Variants in RGS6 observed in about 807,000 individuals in gnomAD.
RGS6 encodes regulator of G-protein signaling 6.
RGS6 carries 30 observed loss-of-function variants against 78.5 expected under a neutral mutation model. The observed-to-expected ratio is 0.38, with a 90% confidence interval of 0.29 to 0.52. RGS6 has a LOEUF of 0.52. Ranked by LOEUF, RGS6 falls within the 20% of genes least tolerant of loss-of-function variation. The pLI is 0.85. For synonymous variants in RGS6, 206 were observed against 206.0 expected (o/e 1.00, Z 0.00); for missense variants, 495 against 609.7 (o/e 0.81, Z 1.98).
At chr14:71,881,069 A>G in the RGS6 span, among the ~76,000 whole-genome samples, 1 of 152,176 alleles carries the variant, frequency 6.6e-6, no homozygotes, top group African/African-American at 2.4e-5. Flanking sequence ...ATCATTCTGG[A>G]GCTTTAAGAT....
upstream of RGS6, among the ~76,000 whole-genome samples, chr14:71,927,553 C>T (rs1290882558): frequency 6.6e-6 from 1 of 152,136 alleles, no homozygotes; most frequent in Non-Finnish European, 1.5e-5. Context: ...AAGGAAGGGC[C>T]CCACAGGCTG....
the RGS6 span, among the ~76,000 whole-genome samples, chr14:72,579,810 A>C: frequency 6.6e-6 from 1 of 152,218 alleles, no homozygotes; most frequent in East Asian, 1.9e-4. Context: ...TAAGGTGCCC[A>C]CCTGGAGGCC....
intron 2 of RGS6, among the ~76,000 whole-genome samples, chr14:72,095,268 C>T (rs1327509771): frequency 1.3e-5 from 2 of 152,080 alleles, no homozygotes; most frequent in African/African-American, 4.8e-5. Flanking sequence ...AAAACTGAAT[C>T]ATTGGTGGTT....
chr14:72,586,709 C>T, the RGS6 span, among the ~76,000 whole-genome samples: 3 of 152,112 alleles, frequency 2.0e-5, no homozygotes, highest in South Asian at 2.1e-4. Context: ...TACTTCATCC[C>T]GAAACATCTT....
rs117438967 is a variant in RGS6, at chr14:72,546,975, C to G, written c.1422+6881C>G. Among the ~76,000 whole-genome samples the G allele has an allele frequency of 5.7e-3, 861 of 152,272 alleles. 6 individuals carry two copies. The highest frequency in any genetic ancestry group is 9.3e-3 in the Non-Finnish European group (630 of 68,024). On this transcript the variant is annotated intron_variant, in intron 17 of 17. Transcript: ENST00000553525. ...AGCGGCTGATGGGGTTGTGGGGTCTCGGCATGCTTGTCACTTGTGCAGTCA... is the reference window on the plus strand; with the variant it reads ...AGCGGCTGATGGGGTTGTGGGGTCTGGGCATGCTTGTCACTTGTGCAGTCA...
intron 2 of RGS6, among the ~76,000 whole-genome samples, chr14:72,274,677 GGTCAGA>G (rs1393016527): frequency 6.6e-6 from 1 of 152,122 alleles, no homozygotes; most frequent in Non-Finnish European, 1.5e-5. Flanking sequence ...GTGACAGGAG[GGTCAGA>G]GTCAGAGAAG....
chr14:72,387,426 G>A (rs2088512589), intron 3 of RGS6, among the ~76,000 whole-genome samples: 1 of 152,078 alleles, frequency 6.6e-6, no homozygotes, highest in Non-Finnish European at 1.5e-5. Flanking sequence ...GCGGGCGCCT[G>A]TAGTCCCAGC....
At chr14:72,041,540 T>C (rs2092400613) in intron 2 of RGS6, among the ~76,000 whole-genome samples, 1 of 152,344 alleles carries the variant, frequency 6.6e-6, no homozygotes, top group Non-Finnish European at 1.5e-5. Flanking sequence ...CCTGAAAAAC[T>C]GGAACACTGG....
chr14:72,145,828 T>C (rs941944384), intron 2 of RGS6, among the ~76,000 whole-genome samples: 8 of 152,102 alleles, frequency 5.3e-5, no homozygotes, highest in African/African-American at 1.9e-4. Flanking sequence ...ATAAGTGTGG[T>C]AAATGACAGG....
intron 2 of RGS6, among the ~76,000 whole-genome samples, chr14:72,238,237 C>G (rs989317563): frequency 2.0e-5 from 3 of 152,192 alleles, no homozygotes; most frequent in Non-Finnish European, 2.9e-5. Context: ...GCTTGTCTCT[C>G]TGCCAGCTAA....
the RGS6 span, among the ~76,000 whole-genome samples, chr14:72,605,095 G>A: frequency 6.6e-6 from 1 of 152,222 alleles, no homozygotes. Context: ...TCCCTGTCTG[G>A]AGCAGAATAA....
At chr14:72,418,027 C>T (rs1459456510) in intron 3 of RGS6, among the ~76,000 whole-genome samples, 1 of 152,162 alleles carries the variant, frequency 6.6e-6, no homozygotes, top group Non-Finnish European at 1.5e-5. Flanking sequence ...TTCCATCATT[C>T]TCCCACCTTT....
At chr14:71,909,469 C>T in the RGS6 span, among the ~76,000 whole-genome samples, 1 of 151,606 alleles carries the variant, frequency 6.6e-6, no homozygotes, top group African/African-American at 2.4e-5. Flanking sequence ...GACAGAAACA[C>T]ATACACCTGC....
At chr14:72,436,926 G>A (rs2094939536) in intron 3 of RGS6, among the ~76,000 whole-genome samples, 1 of 152,132 alleles carries the variant, frequency 6.6e-6, no homozygotes, top group Admixed American at 6.5e-5. Context: ...AGAGATGAGG[G>A]TCCCTCACCT....
At chr14:72,128,995 G>GT (rs1052587151) in intron 2 of RGS6, among the ~76,000 whole-genome samples, 15 of 152,108 alleles carry the variant, frequency 9.9e-5, no homozygotes, top group East Asian at 3.9e-4. Flanking sequence ...CTCTTCAGCA[G>GT]TTTTCTTTTA....
intron 17 of RGS6, chr14:72,541,721 TG>T: frequency 7.6e-7 from 1 of 1,308,292 alleles, no homozygotes; most frequent in South Asian, 1.4e-5. Flanking sequence ...AGGGTGCCTG[TG>T]TAAGCAGAGC....
chr14:72,023,768 G>A (rs2089244150), intron 2 of RGS6, among the ~76,000 whole-genome samples: 1 of 152,310 alleles, frequency 6.6e-6, no homozygotes, highest in African/African-American at 2.4e-5. Flanking sequence ...AATGGAATGA[G>A]ACCTGGTCCT....
At chr14:72,557,643 C>A (rs1021457702) in intron 17 of RGS6, among the ~76,000 whole-genome samples, 1 of 152,218 alleles carries the variant, frequency 6.6e-6, no homozygotes, top group African/African-American at 2.4e-5. Context: ...GACCTTCAGG[C>A]TCCTTGAGAG....
chr14:71,964,987 CA>C lies in RGS6; in HGVS notation c.84+113del, dbSNP rs2093429943. The C allele has an allele frequency of 4.6e-6, 3 of 657,674 alleles. No homozygotes were observed. In the South Asian group the frequency reaches 1.1e-4, roughly 24 times the overall value. 40.7% of individuals were successfully genotyped at this position (657,674 alleles called of 1,614,324 possible). ...GCCTAAACTGCCTTACTGATAAATG[CA>C]TATTTTCTTCTCACATCCTCTGGTT... On this transcript the variant is annotated intron_variant, in intron 2 of 17. Transcript: ENST00000553525.
Sources: gnomAD v4.1 joint callset for allele counts (sites outside exome capture counted in the v4.1 genomes callset) on GRCh38, gnomAD v4.1.1 for gene constraint, MANE v1.5 for transcripts, NCBI Gene and HGNC (gene_info 2026-07-23, HGNC 2026-07-21) for gene names.